Variants in SUSD5 observed in about 807,000 individuals in gnomAD.
SUSD5 encodes sushi domain containing 5.
Under a neutral mutation model 29.5 loss-of-function variants are expected in SUSD5, and 33 were observed. The ratio of observed to expected loss-of-function variants is 1.12; its 90% confidence interval spans 0.85 to 1.49. SUSD5 has a LOEUF of 1.49. Ranked by LOEUF, SUSD5 falls within the 40% of genes most tolerant of loss-of-function variation. The probability of loss-of-function intolerance (pLI) is 0.00; values close to 1 mark genes in which losing one functional copy is unlikely to be tolerated. For missense variants in SUSD5, 776 were observed against 800.6 expected, an observed-to-expected ratio of 0.97 and a Z score of 0.37; for synonymous variants, 308 against 325.3, an observed-to-expected ratio of 0.95 and a Z score of 0.57.
At chr3:33,216,234 G>C (rs1385450423) in intron 1 of SUSD5, among the ~76,000 whole-genome samples, 1 of 152,278 alleles carries the variant, frequency 6.6e-6, no homozygotes, top group Middle Eastern at 3.4e-3. Context: ...CAATCTAAAT[G>C]AAGTGGGGGA....
chr3:33,191,622 G>C (rs373839485), intron 3 of SUSD5, among the ~76,000 whole-genome samples: 3 of 152,050 alleles, frequency 2.0e-5, no homozygotes, highest in Non-Finnish European at 4.4e-5. Context: ...GATAAGTTCT[G>C]CCAAGTTGAA....
intron 3 of SUSD5, among the ~76,000 whole-genome samples, chr3:33,176,076 T>C (rs1412135887): frequency 1.3e-5 from 2 of 152,208 alleles, no homozygotes; most frequent in Non-Finnish European, 2.9e-5. Flanking sequence ...TTTCCAGAAT[T>C]CACATAGTTG....
intron 3 of SUSD5, among the ~76,000 whole-genome samples, chr3:33,193,639 T>C (rs191865154): frequency 2.6e-5 from 4 of 152,218 alleles, no homozygotes; most frequent in East Asian, 3.9e-4. Flanking sequence ...ACTGAAGCCT[T>C]TGAAGTGTTG....
rs1420225373 is a variant in SUSD5, at chr3:33,152,774, A to AGTGCCGAGCCTGCCGCTGGCC, written c.1837_1857dup (p.Gly613_His619dup). On this transcript the variant is annotated inframe_insertion, in exon 5 of 5. Transcript: ENST00000309558. ...TTCTCCATCTCGATCTGCTGGTGGT[A>AGTGCCGAGCCTGCCGCTGGCC]GTGCCGAGCCTGCCGCTGGCCAACA... The AGTGCCGAGCCTGCCGCTGGCC allele has an allele frequency of 2.5e-6, 4 of 1,612,930 alleles. No homozygotes were observed. In the African/African-American group the frequency reaches 5.3e-5, roughly 22 times the overall value.
intron 4 of SUSD5, among the ~76,000 whole-genome samples, chr3:33,158,563 T>G (rs1320558160): frequency 6.6e-6 from 1 of 152,224 alleles, no homozygotes; most frequent in Non-Finnish European, 1.5e-5. Context: ...CAAAGAAGCT[T>G]GGCATTCCAC....
intron 1 of SUSD5, 110 bp from the exon 2 acceptor site, chr3:33,214,215 G>C (rs2032381833): frequency 7.6e-6 from 8 of 1,052,120 alleles, no homozygotes; most frequent in Non-Finnish European, 1.1e-5. Context: ...TTGCCTGAAG[G>C]CCCAAGTGCA....
intron 3 of SUSD5, among the ~76,000 whole-genome samples, chr3:33,196,042 C>T (rs754217636): frequency 5.9e-5 from 9 of 152,234 alleles, no homozygotes; most frequent in Non-Finnish European, 1.2e-4. Flanking sequence ...ATTCCTGAAA[C>T]TTAACAAGGT....
chr3:33,171,147 A>C (rs1182640987), intron 4 of SUSD5, among the ~76,000 whole-genome samples: 1 of 152,178 alleles, frequency 6.6e-6, no homozygotes, highest in East Asian at 1.9e-4. Flanking sequence ...CAGGAGTTCA[A>C]GACCAGCCTA....
Position 33,153,200 on chromosome 3 carries a change from T to C in SUSD5, c.1432A>G (p.Thr478Ala), listed in dbSNP as rs1488313900. 1 of 1,613,790 alleles carries C rather than the reference T, an allele frequency of 6.2e-7. No homozygotes were observed. The highest frequency in any genetic ancestry group is 8.5e-7 in the Non-Finnish European group (1 of 1,179,842). ...AGGGTGGCCATGGGAGATTCCTCTG[T>C]GATGAATCTCCAGGGTAGAGTTGAC... ...YQSTLPWRFITEESPMATLSY... is the reference protein window; with the variant it reads ...YQSTLPWRFIAEESPMATLSY... The change falls in exon 5 of 5, where the codon ACA becomes GCA. Residue 478 changes from threonine (T) to alanine (A), a missense_variant. Thr to Ala is a moderately conservative substitution (Grantham distance 58). Transcript: ENST00000309558.
intron 3 of SUSD5, among the ~76,000 whole-genome samples, chr3:33,192,773 C>T (rs2031918549): frequency 1.3e-5 from 2 of 151,942 alleles, no homozygotes; most frequent in Non-Finnish European, 2.9e-5. Context: ...GCCAAAATTG[C>T]ACCAATGCAC....
At chr3:33,214,462 A>T (rs9311005) in intron 1 of SUSD5, among the ~76,000 whole-genome samples, 80,348 of 151,784 alleles carry the variant, frequency 0.53, 23,114 homozygotes, top group African/African-American at 0.75. Context: ...TCACTTGATG[A>T]CTAAGGCACT....
At chr3:33,184,889 G>A (rs776638654) in intron 3 of SUSD5, among the ~76,000 whole-genome samples, 2 of 152,162 alleles carry the variant, frequency 1.3e-5, no homozygotes, top group Non-Finnish European at 2.9e-5. Context: ...CAATGTTCCC[G>A]CCCTATCTGA....
At chr3:33,174,191 A>C (rs564821323) in intron 4 of SUSD5, among the ~76,000 whole-genome samples, 1 of 152,292 alleles carries the variant, frequency 6.6e-6, no homozygotes, top group East Asian at 1.9e-4. Flanking sequence ...GGGAAGCAGC[A>C]AGCAAGTCTC....
chr3:33,213,656 C>A (rs985863789), intron 2 of SUSD5, among the ~76,000 whole-genome samples: 3 of 151,864 alleles, frequency 2.0e-5, no homozygotes, highest in African/African-American at 7.3e-5. Context: ...TGCCTGTAAT[C>A]CCAGCTACTC....
At chr3:33,157,943 T>C (rs1010251918) in intron 4 of SUSD5, among the ~76,000 whole-genome samples, 2 of 152,230 alleles carry the variant, frequency 1.3e-5, no homozygotes, top group Non-Finnish European at 2.9e-5. Context: ...GATGGTCTAT[T>C]ATGCAGAAAA....
rs1389713315 is a variant in SUSD5 at position 33,152,535 on chromosome 3, A to T, written c.*207T>A. The T allele has an allele frequency of 1.4e-5, 8 of 577,224 alleles. No homozygotes were observed. Among genetic ancestry groups the T allele is most frequent in the Non-Finnish European group, 2.1e-5 (7 of 329,286 alleles). The allele number at this position is 577,224 out of a possible 1,614,324, so 35.8% of individuals were successfully genotyped here. ...TAGTCAATTCCAGGGCAGATGGTGGAGGAGACATTGACATGAGTGATGATG... is the reference window on the plus strand; with the variant it reads ...TAGTCAATTCCAGGGCAGATGGTGGTGGAGACATTGACATGAGTGATGATG... On this transcript the variant is annotated 3_prime_UTR_variant, in exon 5 of 5. Transcript: ENST00000309558.
chr3:33,188,604 A>T (rs997286512), intron 3 of SUSD5, among the ~76,000 whole-genome samples: 24 of 152,196 alleles, frequency 1.6e-4, no homozygotes, highest in Non-Finnish European at 2.9e-4. Flanking sequence ...GACTGCTGGT[A>T]CAAGGACCAC....
intron 3 of SUSD5, among the ~76,000 whole-genome samples, chr3:33,202,563 G>C (rs1200205081): frequency 6.6e-6 from 1 of 152,166 alleles, no homozygotes; most frequent in Non-Finnish European, 1.5e-5. Context: ...TAGATGGGGA[G>C]AAACAGAAGC....
intron 3 of SUSD5, among the ~76,000 whole-genome samples, chr3:33,181,140 A>G (rs912563761): frequency 1.3e-5 from 2 of 152,112 alleles, no homozygotes; most frequent in East Asian, 3.8e-4. Flanking sequence ...ATAAAGTTAC[A>G]ATAAACTAAA....
Sources: gnomAD v4.1 joint callset for allele counts (sites outside exome capture counted in the v4.1 genomes callset) on GRCh38, gnomAD v4.1.1 for gene constraint, MANE v1.5 for transcripts, NCBI Gene and HGNC (gene_info 2026-07-23, HGNC 2026-07-21) for gene names.